The following MED13L variants were observed in gnomAD, a reference collection of about 807,000 sequenced individuals.
The protein encoded by MED13L is mediator complex subunit 13L.
In MED13L, 7 loss-of-function variants were observed where a neutral mutation model predicts 220.9. That is an observed-to-expected ratio of 0.03 (90% CI 0.02 to 0.06). MED13L has a LOEUF of 0.06. MED13L is among the 10% of genes least tolerant of loss of function. The pLI, the probability that MED13L is intolerant of heterozygous loss-of-function variation, is 1.00. For missense variants in MED13L, 1,965 were observed against 2,760.5 expected (o/e 0.71, Z 6.46); for synonymous variants, 1,011 against 1,015.2 (o/e 1.00, Z 0.08).
intron 2 of MED13L, among the ~76,000 whole-genome samples, chr12:116,234,072 C>T (rs754208900): frequency 3.3e-5 from 5 of 151,780 alleles, no homozygotes; most frequent in Middle Eastern, 3.4e-3. Context: ...CTTGGTAGGA[C>T]GCTATTTGGA....
rs1269843884 is a variant in MED13L, at chr12:115,985,655, A to AT, written c.4338+610dup. Among the ~76,000 whole-genome samples, 6 of 152,086 alleles carry AT rather than the reference A, an allele frequency of 3.9e-5. No homozygotes were observed. The East Asian group carries it at 5.8e-4, about 15-fold the overall frequency. ...ATTCTTCAAAGACAGACATGATTCT[A>AT]TTTTTTTTAAAGCAACAGGAATTCA... On this transcript the variant is annotated intron_variant, in intron 19 of 30. Transcript: ENST00000281928.
chr12:116,121,826 C>T (rs992722959), intron 2 of MED13L, among the ~76,000 whole-genome samples: 4 of 152,090 alleles, frequency 2.6e-5, no homozygotes, highest in Non-Finnish European at 4.4e-5. Flanking sequence ...AGTTCAGCAA[C>T]GGCATTGGCC....
Position 116,205,533 on chromosome 12 carries a change from A to G in MED13L, c.310+31935T>C, listed in dbSNP as rs772422718. 1.5e-4 allele frequency among the ~76,000 whole-genome samples: 7 copies of G among 45,360 alleles called. 1 individual carries two copies. The East Asian group carries it at 2.1e-3, about 13-fold the overall frequency. 29.8% of individuals were successfully genotyped at this position (45,360 alleles called of 152,430 possible). A position where few individuals can be genotyped will look rare whatever the true frequency, so the allele number is the denominator to read the frequency against. ...TTAAAAAAAAAAAACAAAGGAAGAG[A>G]AAAAAAAAAAAAAAAAGGAAAGTCT... On this transcript the variant is annotated intron_variant, in intron 2 of 30. Coordinates refer to ENST00000281928, the MANE Select transcript of MED13L (RefSeq NM_015335.5).
chr12:116,038,031 A>T (rs1881289109), intron 4 of MED13L, among the ~76,000 whole-genome samples: 1 of 152,208 alleles, frequency 6.6e-6, no homozygotes, highest in Non-Finnish European at 1.5e-5. Context: ...CAGATTATCT[A>T]GTCACAGTCT....
In MED13L at chr12:116,146,800, G is replaced by A. The variant is rs555385827; in HGVS notation, c.311-35288C>T. Among the ~76,000 whole-genome samples, 71 of 151,762 alleles carry A rather than the reference G, an allele frequency of 4.7e-4. No individual in the cohort carries two copies. The East Asian group carries it at 5.1e-3, about 11-fold the overall frequency. On this transcript the variant is annotated intron_variant, in intron 2 of 30. Coordinates refer to ENST00000281928, the MANE Select transcript of MED13L (RefSeq NM_015335.5). ...CAAAAATTGCTTGAACCCAGGAGGC[G>A]AAAGTTGCAGTGAGCCAAGATCGCA...
At chr12:116,254,017 T>A (rs1390474316) in intron 1 of MED13L, among the ~76,000 whole-genome samples, 1 of 151,982 alleles carries the variant, frequency 6.6e-6, no homozygotes, top group African/African-American at 2.4e-5. Flanking sequence ...CACCTCGGCC[T>A]CCCAAATTGC....
intron 2 of MED13L, among the ~76,000 whole-genome samples, chr12:116,211,981 GA>G (rs996441162): frequency 3.3e-5 from 5 of 151,866 alleles, no homozygotes; most frequent in African/African-American, 9.7e-5. Flanking sequence ...TTGAAATAAT[GA>G]AAAAAACATT....
intron 1 of MED13L, among the ~76,000 whole-genome samples, chr12:116,276,170 A>G (rs980802849): frequency 1.3e-5 from 2 of 152,198 alleles, no homozygotes; most frequent in South Asian, 4.1e-4. Context: ...CACGAGAACA[A>G]TTGACACCCT....
chr12:116,084,127 T>C (rs78329255), intron 4 of MED13L, among the ~76,000 whole-genome samples: 2 of 152,186 alleles, frequency 1.3e-5, no homozygotes, highest in Admixed American at 6.5e-5. Flanking sequence ...AAAGGAAGAA[T>C]CCTCTAGTTT....
At chr12:116,205,018 C>CTT (rs1882225277) in intron 2 of MED13L, among the ~76,000 whole-genome samples, 1 of 152,156 alleles carries the variant, frequency 6.6e-6, no homozygotes, top group Admixed American at 6.5e-5. Flanking sequence ...ACACCATAAA[C>CTT]CCTTTCTTCC....
intron 13 of MED13L, 122 bp downstream of exon 13, chr12:116,005,747 T>A: frequency 7.7e-7 from 1 of 1,292,014 alleles, no homozygotes; most frequent in South Asian, 1.2e-5. Context: ...ATAAAGAACA[T>A]TCAGAACCTG....
chr12:116,012,779 G>A lies in MED13L; in HGVS notation c.1280+18C>T. The A allele has an allele frequency of 4.5e-6, 7 of 1,555,058 alleles. No homozygotes were observed. The highest frequency in any genetic ancestry group is 6.2e-6 in the Non-Finnish European group (7 of 1,126,342). The stretch of plus-strand genomic sequence containing the variant: ...CCATCATTCGATCCATTACTATTTT[G>A]CCTTTTTTATTACCTACCTGGAACA... On this transcript the variant is annotated intron_variant, in intron 9 of 30. Coordinates refer to ENST00000281928, the MANE Select transcript of MED13L (RefSeq NM_015335.5).
chr12:116,059,271 G>A (rs1196009017), intron 4 of MED13L, among the ~76,000 whole-genome samples: 3 of 152,072 alleles, frequency 2.0e-5, no homozygotes, highest in African/African-American at 7.2e-5. Flanking sequence ...TGTTGCTCAG[G>A]CTGGTCTTGA....
At chr12:115,980,608 G>T in intron 23 of MED13L, 142 bp downstream of exon 23, 1 of 901,096 alleles carries the variant, frequency 1.1e-6, no homozygotes, top group Non-Finnish European at 1.8e-6. Context: ...ACAGGTGTGA[G>T]CCAACACATC....
chr12:116,195,852 A>G (rs1355799782), intron 2 of MED13L, among the ~76,000 whole-genome samples: 1 of 152,234 alleles, frequency 6.6e-6, no homozygotes, highest in Admixed American at 6.5e-5. Flanking sequence ...AAAGCTAAAG[A>G]ATGAATATTT....
intron 2 of MED13L, among the ~76,000 whole-genome samples, chr12:116,222,301 G>T (rs1868517734): frequency 6.6e-6 from 1 of 152,180 alleles, no homozygotes; most frequent in African/African-American, 2.4e-5. Context: ...ACACGTCACA[G>T]AAGTGGCATT....
intron 4 of MED13L, among the ~76,000 whole-genome samples, chr12:116,029,681 A>G (rs1048230269): frequency 6.6e-6 from 1 of 152,210 alleles, no homozygotes; most frequent in Non-Finnish European, 1.5e-5. Flanking sequence ...CTCAAGAAGA[A>G]AAGTAATCAA....
chr12:115,999,286 G>A (rs1878597665), intron 14 of MED13L, among the ~76,000 whole-genome samples: 2 of 152,042 alleles, frequency 1.3e-5, no homozygotes, highest in African/African-American at 2.4e-5. Flanking sequence ...ATGCTGGCAG[G>A]AGGCTGAGGC....
At chr12:116,251,847 AT>A (rs1871596607) in intron 1 of MED13L, among the ~76,000 whole-genome samples, 1 of 151,996 alleles carries the variant, frequency 6.6e-6, no homozygotes, top group African/African-American at 2.4e-5. Context: ...TGAGAGTGAA[AT>A]GACAGAAAAA....
Sources: gnomAD v4.1 joint callset for allele counts (sites outside exome capture counted in the v4.1 genomes callset) on GRCh38, gnomAD v4.1.1 for gene constraint, MANE v1.5 for transcripts, NCBI Gene and HGNC (gene_info 2026-07-23, HGNC 2026-07-21) for gene names.